The following AOX1 variants were observed in gnomAD, a reference collection of about 807,000 sequenced individuals.
The protein encoded by AOX1 is aldehyde oxidase 1.
AOX1 carries 153 observed loss-of-function variants against 169.5 expected under a neutral mutation model. The observed-to-expected ratio is 0.90, with a 90% CI of 0.79 to 1.03. AOX1 has a LOEUF of 1.03. AOX1 is among the 50% of genes least tolerant of loss of function. The pLI is 0.00. For synonymous variants in AOX1, 562 were observed against 581.9 expected (o/e 0.97, Z 0.49); for missense variants, 1,656 against 1,663.9 (o/e 1.00, Z 0.08).
chr2:200,614,904 C>G (rs1204525285), intron 15 of AOX1, among the ~76,000 whole-genome samples: 1 of 152,156 alleles, frequency 6.6e-6, no homozygotes, highest in Non-Finnish European at 1.5e-5. Context: ...CAATTAGTAG[C>G]AAACTAATAT....
chr2:200,663,618 G>A (rs142673814), intron 31 of AOX1, among the ~76,000 whole-genome samples: 215 of 143,558 alleles, frequency 1.5e-3, no homozygotes, highest in African/African-American at 5.4e-3. Flanking sequence ...TGTCTCTGTT[G>A]CTTCAAAGAC....
chr2:200,638,922 A>AG (rs771187566), intron 23 of AOX1, among the ~76,000 whole-genome samples: 166 of 151,818 alleles, frequency 1.1e-3, no homozygotes, highest in Middle Eastern at 3.4e-3. Context: ...ATAATCATTG[A>AG]GGGGGGAAAG....
intron 22 of AOX1, among the ~76,000 whole-genome samples, chr2:200,637,554 C>T (rs1387896961): frequency 1.3e-5 from 2 of 151,848 alleles, no homozygotes; most frequent in Non-Finnish European, 2.9e-5. Context: ...TACACACATA[C>T]ATATATACAT....
chr2:200,641,354 A>T (rs1029988973), intron 24 of AOX1, among the ~76,000 whole-genome samples, 170 bp downstream of exon 24: 1 of 152,174 alleles, frequency 6.6e-6, no homozygotes, highest in Non-Finnish European at 1.5e-5. Context: ...GAGCCCAGAG[A>T]TGCTGGCTAA....
chr2:200,601,073 C>T (rs986251412), intron 5 of AOX1, among the ~76,000 whole-genome samples: 51 of 120,468 alleles, frequency 4.2e-4, no homozygotes, highest in South Asian at 5.6e-4. Context: ...GCTTAGAGTG[C>T]TTTTTTTTTT....
At chr2:200,623,152 G>T (rs1701904205) in intron 18 of AOX1, among the ~76,000 whole-genome samples, 1 of 152,230 alleles carries the variant, frequency 6.6e-6, no homozygotes, top group Admixed American at 6.5e-5. Flanking sequence ...GTAGGAGAGA[G>T]AACTCAGCAA....
At chr2:200,605,673 A>G in intron 10 of AOX1, 45 bp downstream of exon 10, 1 of 950,788 alleles carries the variant, frequency 1.1e-6, no homozygotes, top group East Asian at 2.7e-5. Context: ...TGCATTAATC[A>G]ATTTATTTAC....
At chr2:200,600,476 G>C (rs377350517) in intron 5 of AOX1, among the ~76,000 whole-genome samples, 1 of 21,462 alleles carries the variant, frequency 4.7e-5, no homozygotes, top group Non-Finnish European at 1.1e-4. Context: ...TGTATGTGGC[G>C]GGGGGGGACA....
At chr2:200,594,847 T>C (rs1007623954) in intron 2 of AOX1, among the ~76,000 whole-genome samples, 1 of 152,192 alleles carries the variant, frequency 6.6e-6, no homozygotes, top group Non-Finnish European at 1.5e-5. Flanking sequence ...GGCAGAGAAA[T>C]ACACAAACAT....
chr2:200,678,017 A>C (rs887184343), downstream of AOX1, among the ~76,000 whole-genome samples: 4 of 152,118 alleles, frequency 2.6e-5, no homozygotes, highest in Non-Finnish European at 4.4e-5. Context: ...AAGATCCCTC[A>C]ATTAACAAGC....
At position 200,651,002 on chromosome 2, in the gene AOX1, T is replaced by C. The variant is rs780140677; in HGVS notation, c.2876T>C (p.Ile959Thr). The C allele has an allele frequency of 1.2e-6, 2 of 1,614,164 alleles. No individual in the cohort carries two copies. Among genetic ancestry groups the C allele is most frequent in the Non-Finnish European group, 1.7e-6 (2 of 1,180,014 alleles). Residue 959 changes from isoleucine to threonine, a missense_variant, in exon 26 of 35, where the codon ATT becomes ACT. By Grantham distance (89) the Ile-to-Thr change is moderately conservative (BLOSUM62 -1). Coordinates refer to ENST00000374700, the MANE Select transcript of AOX1 (RefSeq NM_001159.4). ...CGAATCATAAACATGTACAAGGAAATTGATCAAACACCCTACAAACAAGAG... is the reference window on the plus strand; with the variant it reads ...CGAATCATAAACATGTACAAGGAAACTGATCAAACACCCTACAAACAAGAG... ...KVRIINMYKE[I>T]DQTPYKQEIN...
At position 200,623,936 on chromosome 2, in the gene AOX1, G is replaced by A; in HGVS notation, c.2077G>A (p.Val693Met). The change falls in exon 19 of 35, where the codon GTG (valine) becomes ATG (methionine). Residue 693 changes from valine to methionine, a missense_variant. Val to Met is a conservative substitution (Grantham distance 21). Transcript: ENST00000374700. ...TCAGGCAAAGCGAGCTGCTAAGCGA[G>A]TGAAGATTGTCTATCAAGACTTGGA... ...EVQAKRAAKR[V>M]KIVYQDLEPL... 1.2e-6 allele frequency: 2 copies of A among 1,614,166 alleles called. No individual in the cohort carries two copies. Among genetic ancestry groups the A allele is most frequent in the Non-Finnish European group, 1.7e-6 (2 of 1,180,006 alleles).
chr2:200,615,432 C>T (rs914153077), intron 15 of AOX1, among the ~76,000 whole-genome samples: 1 of 152,206 alleles, frequency 6.6e-6, no homozygotes, highest in Non-Finnish European at 1.5e-5. Context: ...AACCAAATGA[C>T]TCACTTCCCT....
chr2:200,653,152 C>T (rs2035615129), intron 26 of AOX1, among the ~76,000 whole-genome samples: 1 of 152,130 alleles, frequency 6.6e-6, no homozygotes, highest in East Asian at 1.9e-4. Flanking sequence ...CGTGGTCTCC[C>T]CAAAACACCT....
chr2:200,676,525 A>C (rs1419706349), intron 4 of AOX1, among the ~76,000 whole-genome samples: 3 of 149,408 alleles, frequency 2.0e-5, no homozygotes, highest in African/African-American at 7.4e-5. Flanking sequence ...ACTTGAACCC[A>C]GGAGGCAGAG....
At chr2:200,620,202 T>TG (rs1455891342) in intron 16 of AOX1, among the ~76,000 whole-genome samples, 1 of 91,630 alleles carries the variant, frequency 1.1e-5, no homozygotes, top group Non-Finnish European at 2.2e-5. Context: ...ATAGTGACTT[T>TG]TTTTTTTTTT....
At chr2:200,650,132 T>A (rs973773984) in intron 25 of AOX1, among the ~76,000 whole-genome samples, 1 of 152,124 alleles carries the variant, frequency 6.6e-6, no homozygotes. Flanking sequence ...TTCCTGGCCA[T>A]CCCACTAAAC....
downstream of AOX1, among the ~76,000 whole-genome samples, chr2:200,681,014 C>T (rs2036148238): frequency 6.6e-6 from 1 of 152,136 alleles, no homozygotes; most frequent in Non-Finnish European, 1.5e-5. Flanking sequence ...ATAAGTCCCT[C>T]CAATTTAACT....
At chr2:200,589,947 CA>C (rs999346754) in intron 1 of AOX1, among the ~76,000 whole-genome samples, 9 of 152,266 alleles carry the variant, frequency 5.9e-5, no homozygotes, top group Non-Finnish European at 1.3e-4. Context: ...AAAGAAGTAA[CA>C]AGCAAAATGA....
Sources: allele counts gnomAD v4.1 joint callset (sites outside exome capture counted in the v4.1 genomes callset), GRCh38; gene constraint gnomAD v4.1.1; transcripts MANE v1.5; gene names NCBI Gene and HGNC (gene_info 2026-07-23, HGNC 2026-07-21).